RNF180: variants seen among roughly 807,000 people sequenced by gnomAD.
RNF180 encodes E3 ubiquitin-protein ligase RNF180.
A neutral mutation model predicts 59.2 loss-of-function variants in RNF180; 38 were observed. The ratio of observed to expected loss-of-function variants is 0.64; its 90% CI spans 0.50 to 0.84. The LOEUF is 0.84. Ranked by LOEUF, RNF180 falls within the 40% of genes least tolerant of loss-of-function variation. The pLI, the probability that RNF180 is intolerant of heterozygous loss-of-function variation, is 0.00. For synonymous variants in RNF180, 262 were observed against 240.3 expected (o/e 1.09, Z -0.84); for missense variants, 705 against 700.9 (o/e 1.01, Z -0.07).
At chr5:64,189,482 AAAAAG>A (rs1423652825) in intron 1 of RNF180, among the ~76,000 whole-genome samples, 1 of 152,178 alleles carries the variant, frequency 6.6e-6, no homozygotes, top group African/African-American at 2.4e-5. Context: ...AAAAAAAGAA[AAAAAG>A]AAAAGAAAAA....
At chr5:64,289,523 G>A (rs1348513215) in intron 5 of RNF180, among the ~76,000 whole-genome samples, 3 of 151,976 alleles carry the variant, frequency 2.0e-5, no homozygotes, top group Non-Finnish European at 4.4e-5. Context: ...CTGGTCCTGG[G>A]CTTTTATTGG....
chr5:64,246,153 C>G (rs919758152), intron 5 of RNF180, among the ~76,000 whole-genome samples: 3 of 152,108 alleles, frequency 2.0e-5, no homozygotes, highest in Non-Finnish European at 4.4e-5. Context: ...TAAATGTCCA[C>G]AGGAGAAAGT....
At chr5:64,237,970 ATCC>A (rs1458106072) in intron 5 of RNF180, among the ~76,000 whole-genome samples, 1 of 152,088 alleles carries the variant, frequency 6.6e-6, no homozygotes, top group Non-Finnish European at 1.5e-5. Flanking sequence ...GAGTTAATTA[ATCC>A]TCCTTTCTTT....
intron 1 of RNF180, among the ~76,000 whole-genome samples, chr5:64,186,692 T>C (rs1356577045): frequency 2.0e-5 from 3 of 152,206 alleles, no homozygotes; most frequent in Non-Finnish European, 2.9e-5. Context: ...AGAAATATTA[T>C]TGGGACCTTC....
intron 7 of RNF180, among the ~76,000 whole-genome samples, chr5:64,346,349 T>A (rs969936732): frequency 6.7e-6 from 1 of 149,188 alleles, no homozygotes; most frequent in African/African-American, 2.5e-5. Flanking sequence ...TCTTCTTTTT[T>A]TCTTTTCTTC....
chr5:64,189,138 G>C (rs1751012996), intron 1 of RNF180, among the ~76,000 whole-genome samples: 1 of 152,016 alleles, frequency 6.6e-6, no homozygotes. Flanking sequence ...TAGACTTTCA[G>C]CCTCCATAAC....
At chr5:64,342,381 G>T (rs1242834050) in intron 7 of RNF180, among the ~76,000 whole-genome samples, 1 of 152,100 alleles carries the variant, frequency 6.6e-6, no homozygotes, top group Non-Finnish European at 1.5e-5. Context: ...CTCTATGAAG[G>T]GGAATAGAAA....
intron 5 of RNF180, among the ~76,000 whole-genome samples, chr5:64,221,180 T>G (rs1435076191): frequency 6.6e-6 from 1 of 152,004 alleles, no homozygotes; most frequent in East Asian, 1.9e-4. Context: ...GCAGTAGAAT[T>G]AAAATAGTGA....
chr5:64,300,841 C>T (rs1356236289), intron 5 of RNF180, among the ~76,000 whole-genome samples: 1 of 151,782 alleles, frequency 6.6e-6, no homozygotes, highest in African/African-American at 2.4e-5. Context: ...TAACTCTTTT[C>T]CTTACTATAT....
At chr5:64,268,077 G>A (rs771009080) in intron 5 of RNF180, among the ~76,000 whole-genome samples, 1 of 152,162 alleles carries the variant, frequency 6.6e-6, no homozygotes, top group African/African-American at 2.4e-5. Context: ...CTTGAAACAT[G>A]ATTACAAATC....
intron 5 of RNF180, among the ~76,000 whole-genome samples, chr5:64,229,274 T>G (rs1329742947): frequency 6.6e-6 from 1 of 152,174 alleles, no homozygotes; most frequent in African/African-American, 2.4e-5. Context: ...TCCTGAAATA[T>G]GCTATTTAGC....
At chr5:64,337,411 T>C (rs1475231313) in intron 7 of RNF180, among the ~76,000 whole-genome samples, 1 of 152,244 alleles carries the variant, frequency 6.6e-6, no homozygotes, top group East Asian at 1.9e-4. Flanking sequence ...CTGTCTTTTT[T>C]CATATAATAG....
intron 5 of RNF180, among the ~76,000 whole-genome samples, chr5:64,319,311 T>C (rs1448352668): frequency 1.3e-5 from 2 of 152,180 alleles, no homozygotes; most frequent in East Asian, 1.9e-4. Context: ...CTTTATTTCA[T>C]TTAAAAAAAT....
chr5:64,315,965 C>T (rs774676497), intron 5 of RNF180, among the ~76,000 whole-genome samples: 3 of 152,118 alleles, frequency 2.0e-5, no homozygotes, highest in East Asian at 3.9e-4. Context: ...AAGTCTGGCC[C>T]GCTGCCTTGA....
intron 1 of RNF180, among the ~76,000 whole-genome samples, chr5:64,199,372 G>A (rs560257515): frequency 6.6e-6 from 1 of 152,066 alleles, no homozygotes; most frequent in Non-Finnish European, 1.5e-5. Context: ...GCATGTCTCC[G>A]TGTTCACCCT....
chr5:64,268,216 A>G (rs1445429380), intron 5 of RNF180, among the ~76,000 whole-genome samples: 1 of 152,098 alleles, frequency 6.6e-6, no homozygotes, highest in South Asian at 2.1e-4. Flanking sequence ...GACAGTTCCT[A>G]CCTTATTTGG....
At position 64,371,993 on chromosome 5, in the gene RNF180, T is replaced by G. The variant is rs1255574281; in HGVS notation, c.*2179T>G. The G allele has an allele frequency of 2.6e-5, 4 of 151,650 alleles. No homozygotes were observed. The South Asian group carries it at 6.2e-4, about 24-fold the overall frequency. The allele number at this position is 151,650 out of a possible 1,614,324, so 9.4% of individuals were successfully genotyped here. A position where few individuals can be genotyped will look rare whatever the true frequency, so the allele number is the denominator to read the frequency against. ...TGCTCTTCCTAAGCATCTCTCACAG[T>G]AAAAACTCACTGTCCAATAAAGAGC... is the stretch of plus-strand genomic sequence containing the variant. On this transcript the variant is annotated 3_prime_UTR_variant, in exon 8 of 8. Transcript: ENST00000389100.
chr5:64,225,239 T>G (rs1741606879), intron 5 of RNF180, among the ~76,000 whole-genome samples: 1 of 152,232 alleles, frequency 6.6e-6, no homozygotes, highest in South Asian at 2.1e-4. Flanking sequence ...CTTTTGGCCT[T>G]ACGCATAGGA....
chr5:64,334,304 G>T (rs1745032305), intron 7 of RNF180, among the ~76,000 whole-genome samples: 1 of 152,164 alleles, frequency 6.6e-6, no homozygotes, highest in Non-Finnish European at 1.5e-5. Flanking sequence ...TAACAAAGGT[G>T]CTGGGAATAT....
Sources: allele counts gnomAD v4.1 joint callset (sites outside exome capture counted in the v4.1 genomes callset), GRCh38; gene constraint gnomAD v4.1.1; transcripts MANE v1.5; gene names NCBI Gene and HGNC (gene_info 2026-07-23, HGNC 2026-07-21).